Variants in THADA observed in about 807,000 individuals in gnomAD.
THADA encodes the protein THADA armadillo repeat containing.
THADA carries 213 observed loss-of-function variants against 219.8 expected under a neutral mutation model. The ratio of observed to expected loss-of-function variants is 0.97; its 90% confidence interval spans 0.87 to 1.09. The LOEUF (loss-of-function observed/expected upper bound fraction) is 1.09, where lower values mean the gene tolerates loss of function less well. THADA is among the 50% of genes least tolerant of loss of function. The pLI is 0.00. For missense variants in THADA, 2,956 were observed against 2,311.3 expected (o/e 1.28, Z -5.72); for synonymous variants, 1,018 against 828.9 (o/e 1.23, Z -3.92).
intron 29 of THADA, among the ~76,000 whole-genome samples, chr2:43,379,319 A>G (rs1671736401): frequency 6.6e-6 from 1 of 152,220 alleles, no homozygotes; most frequent in Non-Finnish European, 1.5e-5. Context: ...AAAAACACAC[A>G]ACTATTTAAT....
intron 26 of THADA, among the ~76,000 whole-genome samples, chr2:43,482,380 C>T (rs1298342924): frequency 6.6e-6 from 1 of 152,094 alleles, no homozygotes; most frequent in African/African-American, 2.4e-5. Flanking sequence ...CTGTACTATG[C>T]GACAGGGACT....
At chr2:43,278,647 G>A (rs1387127094) in intron 36 of THADA, among the ~76,000 whole-genome samples, 1 of 152,126 alleles carries the variant, frequency 6.6e-6, no homozygotes, top group African/African-American at 2.4e-5. Flanking sequence ...GCCCTGGTGC[G>A]GTATCACTGA....
At chr2:43,302,932 A>C (rs1421251615) in intron 31 of THADA, among the ~76,000 whole-genome samples, 1 of 151,986 alleles carries the variant, frequency 6.6e-6, no homozygotes, top group Admixed American at 6.6e-5. Flanking sequence ...TATCTCTAAA[A>C]ACTAAAAACT....
chr2:43,518,339 T>C (rs1237852581), intron 22 of THADA, among the ~76,000 whole-genome samples: 2 of 152,184 alleles, frequency 1.3e-5, no homozygotes, highest in African/African-American at 2.4e-5. Context: ...GTGCCACTGT[T>C]AAGAGCCAGC....
chr2:43,473,940 GCAGAGGTAGGTTTTACAC>G, intron 26 of THADA, among the ~76,000 whole-genome samples: 1 of 152,150 alleles, frequency 6.6e-6, no homozygotes, highest in Non-Finnish European at 1.5e-5. Flanking sequence ...TGACAGCACA[GCAGAGGTAGGTTTTACAC>G]CAGCATCACC....
intron 21 of THADA, among the ~76,000 whole-genome samples, chr2:43,534,667 T>G (rs1339739218): frequency 1.3e-5 from 2 of 152,214 alleles, no homozygotes; most frequent in Admixed American, 6.5e-5. Flanking sequence ...TATGGCTGAA[T>G]AGTATTCCAC....
At chr2:43,394,661 C>A (rs997650170) in intron 29 of THADA, among the ~76,000 whole-genome samples, 1 of 152,156 alleles carries the variant, frequency 6.6e-6, no homozygotes, top group African/African-American at 2.4e-5. Flanking sequence ...CCCTTCCCAA[C>A]TTAACCCTTT....
At chr2:43,286,815 T>C in intron 35 of THADA, 93 bp downstream of exon 35, 1 of 1,429,440 alleles carries the variant, frequency 7.0e-7, no homozygotes, top group Non-Finnish European at 9.7e-7. Flanking sequence ...GGTGTCATGT[T>C]GCCATCTTTC....
chr2:43,357,525 T>C (rs888615894), intron 29 of THADA, among the ~76,000 whole-genome samples: 1 of 152,106 alleles, frequency 6.6e-6, no homozygotes, highest in Admixed American at 6.6e-5. Flanking sequence ...CTTCTAGGAG[T>C]TTATTTTACA....
At chr2:43,452,901 T>C (rs572854713) in intron 26 of THADA, among the ~76,000 whole-genome samples, 3 of 152,296 alleles carry the variant, frequency 2.0e-5, no homozygotes, top group South Asian at 2.1e-4. Flanking sequence ...TATACTAGAA[T>C]ATCCCTTACT....
intron 25 of THADA, among the ~76,000 whole-genome samples, chr2:43,495,136 T>C (rs1688108110): frequency 6.6e-6 from 1 of 152,186 alleles, no homozygotes; most frequent in Non-Finnish European, 1.5e-5. Flanking sequence ...CAACAGAGAA[T>C]GCTTTTGTAA....
intron 29 of THADA, among the ~76,000 whole-genome samples, chr2:43,352,122 T>C (rs1464616323): frequency 3.3e-5 from 5 of 152,364 alleles, no homozygotes; most frequent in Admixed American, 1.3e-4. Flanking sequence ...ATTTGTAAAA[T>C]AAATCTGTCT....
At chr2:43,325,826 A>C (rs766426651) in intron 30 of THADA, among the ~76,000 whole-genome samples, 21 of 152,254 alleles carry the variant, frequency 1.4e-4, no homozygotes, top group Non-Finnish European at 2.6e-4. Context: ...TTAAATAACC[A>C]TTAAAATGCA....
chr2:43,231,302 A>T lies in THADA; in HGVS notation c.5508T>A (p.Phe1836Leu). Residue 1836 changes from phenylalanine (F) to leucine (L), a missense_variant, in exon 38 of 38, where the codon TTT becomes TTA. Phe to Leu is a conservative substitution (Grantham distance 22, BLOSUM62 0). Transcript: ENST00000405975. ...DYLFEKAEVNFWAETLIFVKY... is the reference protein window; with the variant it reads ...DYLFEKAEVNLWAETLIFVKY... ...TCACAAAGATCAGGGTCTCGGCCCA[A>T]AAGTTGACTTCTGCTTTTTCAAACA... 1 of 1,574,164 alleles carries T rather than the reference A, an allele frequency of 6.4e-7. No homozygotes were observed. Among genetic ancestry groups the T allele is most frequent in the Non-Finnish European group, 8.6e-7 (1 of 1,164,802 alleles).
intron 29 of THADA, among the ~76,000 whole-genome samples, chr2:43,392,461 G>A (rs931274483): frequency 3.9e-5 from 6 of 152,130 alleles, no homozygotes; most frequent in African/African-American, 9.7e-5. Flanking sequence ...AGTGAAGGAT[G>A]GTTGGTTCCA....
At position 43,581,979 on chromosome 2, in the gene THADA, G is replaced by C. The variant is rs369350154; in HGVS notation, c.534-51C>G. The C allele has an allele frequency of 1.3e-3, 1,749 of 1,348,872 alleles. 4 individuals are homozygous for C. Among genetic ancestry groups the C allele is most frequent in the Non-Finnish European group, 1.4e-3 (1,370 of 1,014,432 alleles). 83.6% of individuals were successfully genotyped at this position (1,348,872 alleles called of 1,614,324 possible). The stretch of plus-strand genomic sequence containing the variant: ...CAAAAGGAAATTCAAACAAAAGTGT[G>C]AACATTTCTAATTATCAGCAAAATA... On this transcript the variant is annotated intron_variant, in intron 7 of 37. Transcript: ENST00000405975.
intron 21 of THADA, among the ~76,000 whole-genome samples, chr2:43,539,205 G>T (rs868349768): frequency 3.1e-4 from 47 of 152,244 alleles, no homozygotes; most frequent in African/African-American, 9.4e-4. Flanking sequence ...ATTCACCTAA[G>T]GCTTGACTCT....
chr2:43,520,693 T>G (rs976880133), intron 22 of THADA, among the ~76,000 whole-genome samples: 1 of 131,758 alleles, frequency 7.6e-6, no homozygotes, highest in African/African-American at 3.1e-5. Flanking sequence ...CTATCTCAAA[T>G]ATTTATACGT....
At chr2:43,310,277 C>T (rs1386517803) in intron 31 of THADA, among the ~76,000 whole-genome samples, 1 of 136,638 alleles carries the variant, frequency 7.3e-6, no homozygotes, top group Non-Finnish European at 1.5e-5. Flanking sequence ...ATGCAAGGAA[C>T]CCAGAATAGG....
Sources: allele counts gnomAD v4.1 joint callset (sites outside exome capture counted in the v4.1 genomes callset), GRCh38; gene constraint gnomAD v4.1.1; transcripts MANE v1.5; gene names NCBI Gene and HGNC (gene_info 2026-07-23, HGNC 2026-07-21).